The following KCNMA1 variants were observed in gnomAD, a reference collection of about 807,000 sequenced individuals.
KCNMA1 encodes the protein Calcium-activated potassium channel subunit alpha-1.
KCNMA1 carries 29 observed loss-of-function variants against 140.0 expected under a neutral mutation model. That is an observed-to-expected ratio of 0.21 (90% CI 0.15 to 0.28). The LOEUF (loss-of-function observed/expected upper bound fraction) is 0.28, where lower values mean the gene tolerates loss of function less well. KCNMA1 is among the 10% of genes least tolerant of loss of function. The pLI is 1.00. For synonymous variants in KCNMA1, 612 were observed against 611.9 expected (o/e 1.00, Z 0.00); for missense variants, 880 against 1,602.2 (o/e 0.55, Z 7.70).
intron 2 of KCNMA1, among the ~76,000 whole-genome samples, chr10:77,357,620 T>G (rs145650112): frequency 6.6e-6 from 1 of 152,354 alleles, no homozygotes; most frequent in African/African-American, 2.4e-5. Flanking sequence ...CATTGGAATA[T>G]GTGATTTATT....
chr10:77,456,867 C>A (rs990597795), intron 1 of KCNMA1, among the ~76,000 whole-genome samples: 1 of 152,198 alleles, frequency 6.6e-6, no homozygotes, highest in South Asian at 2.1e-4. Context: ...TGAAGGACAA[C>A]ATCCAGTAGG....
intron 1 of KCNMA1, among the ~76,000 whole-genome samples, chr10:77,621,523 TACAC>T (rs55689211): frequency 5.2e-4 from 76 of 146,530 alleles, no homozygotes; most frequent in East Asian, 9.8e-4. Context: ...TACGTACATG[TACAC>T]ACACACACAC....
chr10:77,302,383 GT>G (rs2076742316), intron 2 of KCNMA1, among the ~76,000 whole-genome samples: 1 of 152,110 alleles, frequency 6.6e-6, no homozygotes, highest in Non-Finnish European at 1.5e-5. Flanking sequence ...TGATGATGCA[GT>G]TTTTCTTGGT....
chr10:77,064,169 G>A, intron 14 of KCNMA1: 1 of 946,654 alleles, frequency 1.1e-6, no homozygotes, highest in Non-Finnish European at 1.3e-6. Flanking sequence ...GAAAATATTA[G>A]ATGAAAATAT....
intron 1 of KCNMA1, among the ~76,000 whole-genome samples, chr10:77,516,610 C>T (rs1249033672): frequency 3.3e-5 from 5 of 152,268 alleles, no homozygotes; most frequent in Non-Finnish European, 7.3e-5. Context: ...GCTCTGCATG[C>T]TGCAAAGGCC....
At chr10:77,334,204 G>A (rs373851106) in intron 2 of KCNMA1, among the ~76,000 whole-genome samples, 78 of 151,994 alleles carry the variant, frequency 5.1e-4, no homozygotes, top group African/African-American at 1.8e-3. Context: ...TATCTCATTC[G>A]CTCACCGCTC....
intron 2 of KCNMA1, among the ~76,000 whole-genome samples, chr10:77,275,852 T>C (rs564708991): frequency 1.5e-4 from 23 of 152,314 alleles, no homozygotes; most frequent in Admixed American, 1.3e-3. Flanking sequence ...AGCCCAGTTA[T>C]GTAATCCACC....
At chr10:77,345,522 G>A (rs2091955875) in intron 2 of KCNMA1, among the ~76,000 whole-genome samples, 1 of 152,214 alleles carries the variant, frequency 6.6e-6, no homozygotes, top group South Asian at 2.1e-4. Flanking sequence ...CCAGAGAGAT[G>A]AAGTTATGGG....
chr10:77,101,882 T>C (rs2097106280), intron 9 of KCNMA1, among the ~76,000 whole-genome samples: 2 of 152,144 alleles, frequency 1.3e-5, no homozygotes, highest in Admixed American at 1.3e-4. Context: ...TGAAATCATC[T>C]CAAATCCGAT....
intron 2 of KCNMA1, among the ~76,000 whole-genome samples, chr10:77,399,514 C>T (rs745393697): frequency 4.6e-5 from 7 of 152,204 alleles, no homozygotes; most frequent in Non-Finnish European, 8.8e-5. Flanking sequence ...AATCCCTCAG[C>T]CACGTGCTCC....
chr10:76,935,707 A>G (rs1488673688), intron 23 of KCNMA1, among the ~76,000 whole-genome samples: 4 of 152,200 alleles, frequency 2.6e-5, no homozygotes, highest in South Asian at 4.1e-4. Context: ...TGCTAAAACC[A>G]TAAGTTCAGT....
chr10:77,416,785 T>C (rs2096751411), intron 1 of KCNMA1, among the ~76,000 whole-genome samples: 1 of 152,212 alleles, frequency 6.6e-6, no homozygotes, highest in South Asian at 2.1e-4. Context: ...GAACAGCACC[T>C]AGCACACGGT....
In KCNMA1 at chr10:77,251,236, G is replaced by A; in HGVS notation, c.561C>T (p.Leu187=). ...AGTATATTACAAGTGCACCGATGCT[G>A]AGAGCAAAGACTAAGACAACCTGTA... The part of the protein sequence containing the change: ...GRVLVVLVFA[L]SIGALVIYFI... The change falls in exon 3 of 28, where the codon CTC becomes CTT. Residue 187 remains leucine, a synonymous_variant. Coordinates refer to ENST00000286628, the MANE Select transcript of KCNMA1 (RefSeq NM_001161352.2). The A allele has an allele frequency of 6.2e-7, 1 of 1,612,166 alleles. No individual in the cohort carries two copies. Among genetic ancestry groups the A allele is most frequent in the Non-Finnish European group, 8.5e-7 (1 of 1,178,358 alleles).
intron 16 of KCNMA1, among the ~76,000 whole-genome samples, chr10:77,027,356 C>T (rs779682282): frequency 2.0e-5 from 3 of 152,084 alleles, no homozygotes; most frequent in Admixed American, 1.3e-4. Context: ...TTGGTTGCAC[C>T]GGGAGAAGCA....
chr10:76,971,627 C>T (rs1448972308), intron 19 of KCNMA1, among the ~76,000 whole-genome samples: 1 of 152,010 alleles, frequency 6.6e-6, no homozygotes, highest in Non-Finnish European at 1.5e-5. Flanking sequence ...ACAGCCGACC[C>T]CCTGTACCAC....
chr10:77,432,545 G>A (rs2097175469), intron 1 of KCNMA1, among the ~76,000 whole-genome samples: 1 of 152,130 alleles, frequency 6.6e-6, no homozygotes, highest in Non-Finnish European at 1.5e-5. Flanking sequence ...TCACTCAAAT[G>A]AGGGACCTAA....
intron 16 of KCNMA1, among the ~76,000 whole-genome samples, chr10:77,022,446 T>G (rs1195082680): frequency 2.0e-5 from 3 of 152,214 alleles, no homozygotes; most frequent in Non-Finnish European, 4.4e-5. Flanking sequence ...AAACATCCAG[T>G]GACAGCTGGA....
chr10:77,625,175 C>T (rs1305322249), intron 1 of KCNMA1, among the ~76,000 whole-genome samples: 1 of 152,146 alleles, frequency 6.6e-6, no homozygotes, highest in African/African-American at 2.4e-5. Context: ...GGGCGGATCA[C>T]GAGATCAGGA....
rs1408607231 is a variant in KCNMA1 at position 77,507,295 on chromosome 10, G to GTTTC, written c.379-103273_379-103272insGAAA. Among the ~76,000 whole-genome samples the GTTTC allele has an allele frequency of 9.2e-5, 14 of 152,150 alleles. No individual in the cohort carries two copies. The East Asian group carries it at 2.3e-3, about 25-fold the overall frequency. On this transcript the variant is annotated intron_variant, in intron 1 of 27. Coordinates refer to ENST00000286628, the MANE Select transcript of KCNMA1 (RefSeq NM_001161352.2). ...GTTCATGAGGAAGAAGGTACTGTTT[G>GTTTC]TTCCTTAAAATGTTGTATTGCGTAC... is the stretch of plus-strand genomic sequence containing the variant.
Sources: gnomAD v4.1 joint callset for allele counts (sites outside exome capture counted in the v4.1 genomes callset) on GRCh38, gnomAD v4.1.1 for gene constraint, MANE v1.5 for transcripts, NCBI Gene and HGNC (gene_info 2026-07-23, HGNC 2026-07-21) for gene names.